Variants in HYDIN observed in about 807,000 individuals in gnomAD.
HYDIN encodes the protein axonemal central pair apparatus protein HYDIN.
In HYDIN, 132 loss-of-function variants were observed where a neutral mutation model predicts 403.9. The observed-to-expected ratio is 0.33, with a 90% CI of 0.28 to 0.38. The LOEUF (loss-of-function observed/expected upper bound fraction) is 0.38, where lower values mean the gene tolerates loss of function less well. HYDIN is among the 10% of genes least tolerant of loss of function. The probability of loss-of-function intolerance (pLI) is 1.00; values close to 1 mark genes in which losing one functional copy is unlikely to be tolerated. For synonymous variants in HYDIN, 1,202 were observed against 1,891.7 expected (o/e 0.64, Z 9.46); for missense variants, 2,827 against 5,009.5 (o/e 0.56, Z 13.15).
intron 1 of HYDIN, among the ~76,000 whole-genome samples, chr16:71,188,177 C>T (rs1299555241): frequency 2.6e-5 from 4 of 151,980 alleles, no homozygotes; most frequent in Non-Finnish European, 5.9e-5. Flanking sequence ...CTTTTTCCCC[C>T]CGCCCTAGGT....
intron 17 of HYDIN, among the ~76,000 whole-genome samples, chr16:71,060,967 C>T (rs754765852): frequency 3.1e-5 from 4 of 127,416 alleles, no homozygotes; most frequent in Admixed American, 8.2e-5. Context: ...ACACTTAGTA[C>T]GGGGTTAAGG....
In HYDIN at chr16:70,807,651, T is replaced by C; in HGVS notation, c.15295A>G (p.Ser5099Gly). 1 of 1,614,142 alleles carries C rather than the reference T, an allele frequency of 6.2e-7. No individual in the cohort carries two copies. Among genetic ancestry groups the C allele is most frequent in the Non-Finnish European group, 8.5e-7 (1 of 1,180,006 alleles). ...KTPITTKLTVSCPPGEGSETG... is the reference protein window; with the variant it reads ...KTPITTKLTVGCPPGEGSETG... ...TCACTCCCTTCACCAGGAGGGCAGC[T>C]CACAGTCAGCTTGGTGGTGATGGGG... is the stretch of plus-strand genomic sequence containing the variant. The change falls in exon 86 of 86, where the codon AGC becomes GGC. Residue 5099 changes from serine (S) to glycine (G), a missense_variant. Ser to Gly is a moderately conservative substitution (Grantham distance 56, BLOSUM62 0). Coordinates refer to ENST00000393567, the MANE Select transcript of HYDIN (RefSeq NM_001270974.2).
At chr16:71,136,924 A>C (rs7192924) in intron 8 of HYDIN, among the ~76,000 whole-genome samples, 82,579 of 113,810 alleles carry the variant, frequency 0.73, 30,666 homozygotes, top group East Asian at 0.94. Context: ...TAAACTATAA[A>C]CAGGTTACAT....
rs570149965 is a variant in HYDIN, at chr16:71,225,535, G to A, written c.-24+5027C>T. On this transcript the variant is annotated intron_variant, in intron 1 of 85. Coordinates refer to ENST00000393567, the MANE Select transcript of HYDIN (RefSeq NM_001270974.2). Reference sequence around the variant, plus strand: ...TCCTTCTTTTTTTGGAATCCCAACCGGCCCTATCTCTGGACAGTTTGGGGC... The same window carrying A: ...TCCTTCTTTTTTTGGAATCCCAACCAGCCCTATCTCTGGACAGTTTGGGGC... 1.2e-4 allele frequency among the ~76,000 whole-genome samples: 18 copies of A among 152,122 alleles called. No homozygotes were observed. In the South Asian group the frequency reaches 2.9e-3, roughly 25 times the overall value.
chr16:70,985,095 A>G, intron 28 of HYDIN, 90 bp downstream of exon 28: 22 of 1,049,042 alleles, frequency 2.1e-5, no homozygotes, highest in Non-Finnish European at 3.0e-5. Flanking sequence ...AAAAGAAAAA[A>G]TCACACTTGT....
At chr16:70,902,690 C>G (rs1225304333) in intron 52 of HYDIN, among the ~76,000 whole-genome samples, 1 of 147,742 alleles carries the variant, frequency 6.8e-6, no homozygotes, top group Non-Finnish European at 1.5e-5. Flanking sequence ...AGTGGCAAGA[C>G]TTGGGCTATA....
At chr16:71,078,747 C>G (rs370868481) in intron 13 of HYDIN, among the ~76,000 whole-genome samples, 18 of 152,072 alleles carry the variant, frequency 1.2e-4, no homozygotes, top group African/African-American at 4.4e-4. Flanking sequence ...CTCAAGCAAT[C>G]CTCCCGCCTC....
intron 1 of HYDIN, among the ~76,000 whole-genome samples, chr16:71,225,262 C>G (rs899966678): frequency 3.0e-4 from 46 of 152,244 alleles, no homozygotes; most frequent in African/African-American, 1.1e-3. Flanking sequence ...AGACTTGAAC[C>G]CAAACCTGGG....
At chr16:71,223,994 G>A (rs192704968) in intron 1 of HYDIN, among the ~76,000 whole-genome samples, 1 of 152,302 alleles carries the variant, frequency 6.6e-6, no homozygotes, top group East Asian at 1.9e-4. Flanking sequence ...ACATTCACAT[G>A]CATGTTTACA....
chr16:70,813,260 T>C, intron 84 of HYDIN, among the ~76,000 whole-genome samples: 1 of 150,234 alleles, frequency 6.7e-6, no homozygotes, highest in Non-Finnish European at 1.5e-5. Flanking sequence ...CTGTGGCTTC[T>C]ATTCTTGTGC....
At chr16:70,810,934 A>G (rs567430841) in intron 84 of HYDIN, among the ~76,000 whole-genome samples, 1 of 152,334 alleles carries the variant, frequency 6.6e-6, no homozygotes, top group Admixed American at 6.5e-5. Flanking sequence ...ATGCATATAT[A>G]GTATGAGCTC....
At chr16:71,224,744 GT>G (rs1010942585) in intron 1 of HYDIN, among the ~76,000 whole-genome samples, 1 of 151,356 alleles carries the variant, frequency 6.6e-6, no homozygotes, top group African/African-American at 2.4e-5. Context: ...TGTATTTTTA[GT>G]AGAGACGGGG....
intron 1 of HYDIN, among the ~76,000 whole-genome samples, chr16:71,218,208 C>G (rs2088992119): frequency 6.6e-6 from 1 of 152,106 alleles, no homozygotes; most frequent in African/African-American, 2.4e-5. Flanking sequence ...GCGACTGTTC[C>G]AAAGATCCAC....
intron 71 of HYDIN, 116 bp from the exon 72 acceptor site, chr16:70,857,986 T>C: frequency 8.4e-7 from 1 of 1,196,420 alleles, no homozygotes; most frequent in Non-Finnish European, 1.1e-6. Flanking sequence ...AGGCTATTGC[T>C]ACCTTTCTAT....
At chr16:70,883,024 G>T in intron 59 of HYDIN, 129 bp from the exon 60 acceptor site, 1 of 693,764 alleles carries the variant, frequency 1.4e-6, no homozygotes, top group South Asian at 1.7e-5. Context: ...GTCATGCAAG[G>T]GGGTGTGAGG....
intron 3 of HYDIN, among the ~76,000 whole-genome samples, chr16:71,179,837 T>A (rs974301808): frequency 2.6e-5 from 4 of 152,214 alleles, no homozygotes; most frequent in Non-Finnish European, 5.9e-5. Flanking sequence ...CTGTTTAGCA[T>A]CCAGTAGATT....
chr16:71,160,174 T>C (rs2085943850), intron 6 of HYDIN, among the ~76,000 whole-genome samples: 1 of 106,062 alleles, frequency 9.4e-6, no homozygotes, highest in Non-Finnish European at 1.8e-5. Flanking sequence ...TAAATGAGCA[T>C]GCACAAAAAT....
intron 1 of HYDIN, among the ~76,000 whole-genome samples, chr16:71,191,662 T>C (rs1424137): frequency 0.35 from 53,116 of 151,892 alleles, 9,735 homozygotes; most frequent in East Asian, 0.57. Flanking sequence ...CCACCTCATC[T>C]GTTTCCTTTA....
intron 1 of HYDIN, among the ~76,000 whole-genome samples, chr16:71,196,755 C>T (rs2087716803): frequency 6.6e-6 from 1 of 152,096 alleles, no homozygotes; most frequent in Non-Finnish European, 1.5e-5. Context: ...CAGCTAAAAC[C>T]CACCAAAACC....
Sources: gnomAD v4.1 joint callset for allele counts (sites outside exome capture counted in the v4.1 genomes callset) on GRCh38, gnomAD v4.1.1 for gene constraint, MANE v1.5 for transcripts, NCBI Gene and HGNC (gene_info 2026-07-23, HGNC 2026-07-21) for gene names.